ATXN1: variants seen among roughly 807,000 people sequenced by gnomAD.
ATXN1 encodes ataxin-1.
A neutral mutation model predicts 56.4 loss-of-function variants in ATXN1; 8 were observed. That is an observed-to-expected ratio of 0.14 (90% CI 0.08 to 0.26). The LOEUF (loss-of-function observed/expected upper bound fraction) is 0.26, where lower values mean the gene tolerates loss of function less well. Among genes scored for constraint, ATXN1 ranks in the 10% least tolerant of loss-of-function variants. The probability of loss-of-function intolerance (pLI) is 1.00; values close to 1 mark genes in which losing one functional copy is unlikely to be tolerated. For synonymous variants in ATXN1, 514 were observed against 494.6 expected, an observed-to-expected ratio of 1.04 and a Z score of -0.52; for missense variants, 987 against 1,106.5, an observed-to-expected ratio of 0.89 and a Z score of 1.53.
chr6:16,348,418 C>T (rs762500857), intron 6 of ATXN1, among the ~76,000 whole-genome samples: 3 of 152,042 alleles, frequency 2.0e-5, no homozygotes, highest in South Asian at 2.1e-4. Context: ...GATAGTATGG[C>T]GAGGCACGGT....
At chr6:16,341,263 G>A (rs1471204035) in intron 6 of ATXN1, among the ~76,000 whole-genome samples, 1 of 152,190 alleles carries the variant, frequency 6.6e-6, no homozygotes, top group Non-Finnish European at 1.5e-5. Flanking sequence ...ATCAGTGGCA[G>A]CAGCTCTGGC....
intron 6 of ATXN1, among the ~76,000 whole-genome samples, chr6:16,482,160 T>G (rs537597164): frequency 6.6e-6 from 1 of 152,308 alleles, no homozygotes; most frequent in East Asian, 1.9e-4. Context: ...CAGAACAGCA[T>G]GTATGTTCCT....
chr6:16,398,449 A>C (rs1013290942), intron 6 of ATXN1, among the ~76,000 whole-genome samples: 1 of 152,230 alleles, frequency 6.6e-6, no homozygotes, highest in African/African-American at 2.4e-5. Context: ...AATGGTGAAA[A>C]TAATATATAT....
intron 5 of ATXN1, among the ~76,000 whole-genome samples, chr6:16,490,704 G>A (rs538604107): frequency 1.3e-5 from 2 of 152,270 alleles, no homozygotes; most frequent in African/African-American, 4.8e-5. Flanking sequence ...TTTCTGGAAT[G>A]ATCTCTCCCC....
At position 16,506,795 on chromosome 6, in the gene ATXN1, T is replaced by C. The variant is rs1398191881; in HGVS notation, c.-299+15832A>G. On this transcript the variant is annotated intron_variant, in intron 5 of 7. Coordinates refer to ENST00000436367, the MANE Select transcript of ATXN1 (RefSeq NM_001128164.2). This position sits in a 1 kb window ranked among gnomAD's most constrained non-coding sequence, Gnocchi z 4.1. ...AGAGGGGAAAACATTTTTTCAGTAC[T>C]ACCTTTTACCTAATTCTCTTCTACC... Among the ~76,000 whole-genome samples the C allele has an allele frequency of 6.6e-6, 1 of 152,216 alleles. No individual in the cohort carries two copies. The highest frequency in any genetic ancestry group is 2.4e-5 in the African/African-American group (1 of 41,460).
chr6:16,549,744 A>C (rs980168697), intron 4 of ATXN1, among the ~76,000 whole-genome samples: 1 of 152,048 alleles, frequency 6.6e-6, no homozygotes, highest in Non-Finnish European at 1.5e-5. Context: ...CTAAAAATGC[A>C]AAATTAGCAG....
intron 5 of ATXN1, among the ~76,000 whole-genome samples, chr6:16,490,511 G>A (rs1175874516): frequency 6.6e-6 from 1 of 152,130 alleles, no homozygotes; most frequent in African/African-American, 2.4e-5. Context: ...TTTTCTCTGT[G>A]TTAGTAACCT....
At chr6:16,566,223 C>G (rs1213264378) in intron 4 of ATXN1, among the ~76,000 whole-genome samples, 1 of 152,124 alleles carries the variant, frequency 6.6e-6, no homozygotes, top group Non-Finnish European at 1.5e-5. Flanking sequence ...GACTTATAAT[C>G]TACAATTAAC....
intron 4 of ATXN1, among the ~76,000 whole-genome samples, chr6:16,543,470 C>T (rs1206330674): frequency 2.6e-5 from 4 of 151,588 alleles, no homozygotes; most frequent in Non-Finnish European, 5.9e-5. Context: ...AAAGGCAGGG[C>T]ACATAAGACT....
At chr6:16,743,157 A>G (rs1760400924) in intron 2 of ATXN1, among the ~76,000 whole-genome samples, 1 of 152,252 alleles carries the variant, frequency 6.6e-6, no homozygotes, top group Admixed American at 6.5e-5. Flanking sequence ...ACGTTCAAAA[A>G]CAAAAGCATT....
chr6:16,308,920 G>C (rs756768157), intron 7 of ATXN1, among the ~76,000 whole-genome samples: 11 of 151,998 alleles, frequency 7.2e-5, no homozygotes, highest in East Asian at 1.9e-4. Flanking sequence ...TAGGAAACTA[G>C]AATCTGTTTT....
intron 6 of ATXN1, among the ~76,000 whole-genome samples, chr6:16,341,952 G>A (rs1263266453): frequency 1.5e-5 from 2 of 136,914 alleles, no homozygotes; most frequent in Non-Finnish European, 3.0e-5. Flanking sequence ...GTGCAGTCTC[G>A]GCTCACTGCA....
In ATXN1 at chr6:16,641,260, T is replaced by C. The variant is rs1176805775; in HGVS notation, c.-489+16516A>G. Among the ~76,000 whole-genome samples, 6 of 152,234 alleles carry C rather than the reference T, an allele frequency of 3.9e-5. No homozygotes were observed. In the East Asian group the frequency reaches 1.2e-3, roughly 29 times the overall value. ...GAAGGTGACTACAGATTTTTCAACG[T>C]AGGCAAAGCAGCCTTCTATTGGAAG... On this transcript the variant is annotated intron_variant, in intron 3 of 7. Coordinates refer to ENST00000436367, the MANE Select transcript of ATXN1 (RefSeq NM_001128164.2).
intron 6 of ATXN1, among the ~76,000 whole-genome samples, chr6:16,454,578 T>C (rs941712400): frequency 2.0e-5 from 3 of 152,200 alleles, no homozygotes; most frequent in Non-Finnish European, 2.9e-5. Flanking sequence ...CCCTAATTTG[T>C]ACTGATTTCC....
chr6:16,727,563 AAG>A lies in ATXN1; in HGVS notation c.-615+25668_-615+25669del, dbSNP rs1223742055. Among the ~76,000 whole-genome samples the A allele has an allele frequency of 2.0e-5, 3 of 152,316 alleles. No individual in the cohort carries two copies. In the East Asian group the frequency reaches 5.8e-4, roughly 29 times the overall value. On this transcript the variant is annotated intron_variant, in intron 2 of 7. Transcript: ENST00000436367. ...CATCAAATTACTTAATGAATAGACT[AAG>A]AGAGCTTATATAATAATGTAATACA... is the stretch of plus-strand genomic sequence containing the variant.
At chr6:16,708,893 G>T (rs1474411665) in intron 2 of ATXN1, among the ~76,000 whole-genome samples, 1 of 152,114 alleles carries the variant, frequency 6.6e-6, no homozygotes, top group Admixed American at 6.6e-5. Flanking sequence ...GGGCACGGTG[G>T]TGCATGCCTG....
At chr6:16,493,734 A>G (rs1210580989) in intron 5 of ATXN1, among the ~76,000 whole-genome samples, 2 of 152,168 alleles carry the variant, frequency 1.3e-5, no homozygotes, top group Non-Finnish European at 2.9e-5. Context: ...TATGTCTTTG[A>G]GTCTCTGTCC....
At chr6:16,757,032 A>C (rs1254388858) in intron 1 of ATXN1, among the ~76,000 whole-genome samples, 1 of 152,212 alleles carries the variant, frequency 6.6e-6, no homozygotes. Flanking sequence ...AGTCATAGTA[A>C]TGTTTACTAA....
intron 4 of ATXN1, among the ~76,000 whole-genome samples, chr6:16,582,232 T>C (rs1403383978): frequency 1.3e-5 from 2 of 152,214 alleles, no homozygotes; most frequent in Non-Finnish European, 2.9e-5. Flanking sequence ...CCTTTTAGAA[T>C]GGTCCAGTTC....
Sources: gnomAD v4.1 joint callset for allele counts (sites outside exome capture counted in the v4.1 genomes callset) on GRCh38, gnomAD v4.1.1 for gene constraint, Gnocchi (gnomAD v3.1) non-coding constraint, MANE v1.5 for transcripts, NCBI Gene and HGNC (gene_info 2026-07-23, HGNC 2026-07-21) for gene names.